The following PECAM1 variants were observed in gnomAD, a reference collection of about 807,000 sequenced individuals.
PECAM1 encodes platelet and endothelial cell adhesion molecule 1.
In PECAM1, 8 loss-of-function variants were observed where a neutral mutation model predicts 13.8. That is an observed-to-expected ratio of 0.58 (90% CI 0.34 to 1.05). PECAM1 has a LOEUF of 1.05. Ranked by LOEUF, PECAM1 falls within the 50% of genes least tolerant of loss-of-function variation. PECAM1 has a pLI of 0.03. For missense variants in PECAM1, 304 were observed against 141.2 expected (o/e 2.15, Z -5.84); for synonymous variants, 136 against 52.6 (o/e 2.58, Z -6.86).
In PECAM1 at chr17:64,322,299, C is replaced by G; in HGVS notation, c.*1517G>C. On this transcript the variant is annotated 3_prime_UTR_variant, in exon 16 of 16. Coordinates refer to ENST00000563924, the MANE Select transcript of PECAM1 (RefSeq NM_000442.5). ...TACTCGGGAGGCTGAGACAGGAGAACTGCTTGAACCCAGGAGGCGGAGGTT... is the reference window on the plus strand; with the variant it reads ...TACTCGGGAGGCTGAGACAGGAGAAGTGCTTGAACCCAGGAGGCGGAGGTT... The G allele has an allele frequency of 1.9e-6, 1 of 513,262 alleles. No homozygotes were observed. Among genetic ancestry groups the G allele is most frequent in the Non-Finnish European group, 2.5e-6 (1 of 397,848 alleles). The allele number at this position is 513,262 out of a possible 1,614,324, so 31.8% of individuals were successfully genotyped here. A position where few individuals can be genotyped will look rare whatever the true frequency, so the allele number is the denominator to read the frequency against.
intron 13 of PECAM1, among the ~76,000 whole-genome samples, chr17:64,345,652 G>A (rs1206291205): frequency 1.3e-5 from 2 of 149,748 alleles, no homozygotes; most frequent in Non-Finnish European, 3.0e-5. Flanking sequence ...AGCAGAGGAA[G>A]CAGTGTGCCG....
intron 2 of PECAM1, among the ~76,000 whole-genome samples, chr17:64,381,145 G>A (rs2036473327): frequency 1.3e-5 from 2 of 152,226 alleles, no homozygotes; most frequent in African/African-American, 4.8e-5. Flanking sequence ...GGATGTTGAT[G>A]AGATATTGTC....
chr17:64,367,433 C>A (rs1331017356), intron 5 of PECAM1, among the ~76,000 whole-genome samples: 1 of 151,834 alleles, frequency 6.6e-6, no homozygotes, highest in Non-Finnish European at 1.5e-5. Context: ...GCCTATAATC[C>A]CAGCTACTCG....
Position 64,321,992 on chromosome 17 carries a change from A to G in PECAM1, c.*1824T>C. On this transcript the variant is annotated 3_prime_UTR_variant, in exon 16 of 16. Transcript: ENST00000563924. Reference sequence around the variant, plus strand: ...CTCAATCTGAGCCCACCACTCAGAAAACCTGGAAATTGTATGACATTTTCG... The same window carrying G: ...CTCAATCTGAGCCCACCACTCAGAAGACCTGGAAATTGTATGACATTTTCG... 7.9e-7 allele frequency: 1 copy of G among 1,260,422 alleles called. No individual in the cohort carries two copies. The highest frequency in any genetic ancestry group is 1.0e-6 in the Non-Finnish European group (1 of 968,264). 78.1% of individuals were successfully genotyped at this position (1,260,422 alleles called of 1,614,324 possible). A position where few individuals can be genotyped will look rare whatever the true frequency, so the allele number is the denominator to read the frequency against.
At chr17:64,372,696 T>G (rs2036268169) in intron 4 of PECAM1, among the ~76,000 whole-genome samples, 1 of 151,172 alleles carries the variant, frequency 6.6e-6, no homozygotes, top group Non-Finnish European at 1.5e-5. Flanking sequence ...AGAGATGAGG[T>G]TTCACCATGC....
chr17:64,358,409 G>A (rs1439486622), intron 7 of PECAM1, among the ~76,000 whole-genome samples: 5 of 152,050 alleles, frequency 3.3e-5, no homozygotes, highest in African/African-American at 9.7e-5. Context: ...GTGAGCCACC[G>A]CACCTGGCTG....
intron 14 of PECAM1, among the ~76,000 whole-genome samples, chr17:64,330,913 C>T (rs1356290805): frequency 6.6e-6 from 1 of 152,134 alleles, no homozygotes; most frequent in East Asian, 1.9e-4. Flanking sequence ...GTCCAATTAG[C>T]TACTAAATAA....
chr17:64,390,184 G>T (rs1381523522), intron 2 of PECAM1: 6 of 362,000 alleles, frequency 1.7e-5, no homozygotes, highest in African/African-American at 1.3e-4. Context: ...GTAGTCGTGA[G>T]AACAGAGAAA....
intron 6 of PECAM1, among the ~76,000 whole-genome samples, chr17:64,362,082 A>T (rs2035995920): frequency 6.6e-6 from 1 of 152,208 alleles, no homozygotes; most frequent in Admixed American, 6.5e-5. Flanking sequence ...TGACAGTGAC[A>T]ACTTGACTGG....
intron 2 of PECAM1, among the ~76,000 whole-genome samples, chr17:64,388,359 A>G (rs2036644582): frequency 6.6e-6 from 1 of 151,382 alleles, no homozygotes; most frequent in Non-Finnish European, 1.5e-5. Flanking sequence ...CAGGAGTCAC[A>G]GTCGTAAAGG....
chr17:64,339,656 A>G (rs1029164801), intron 14 of PECAM1, among the ~76,000 whole-genome samples: 31 of 152,306 alleles, frequency 2.0e-4, no homozygotes, highest in African/African-American at 7.2e-4. Context: ...AGCTCTGAAT[A>G]TATGGAGATT....
intron 15 of PECAM1, among the ~76,000 whole-genome samples, chr17:64,325,160 G>A (rs1340201959): frequency 3.3e-5 from 5 of 152,188 alleles, no homozygotes; most frequent in Non-Finnish European, 5.9e-5. Context: ...AGGCCGAGGC[G>A]GGTGGATCAT....
intron 2 of PECAM1, 167 bp downstream of exon 2, chr17:64,390,322 T>C: frequency 2.5e-6 from 1 of 404,498 alleles, no homozygotes; most frequent in East Asian, 3.6e-5. Context: ...GATCTAAGCC[T>C]TTCTAAAAAT....
At chr17:64,380,595 T>A (rs892934814) in intron 2 of PECAM1, among the ~76,000 whole-genome samples, 14 of 152,222 alleles carry the variant, frequency 9.2e-5, no homozygotes, top group African/African-American at 2.4e-4. Context: ...TGGAATTTTT[T>A]AAAATTTTTG....
In PECAM1 at chr17:64,370,786, A is replaced by G. The variant is rs891834925; in HGVS notation, c.692-761T>C. ...GTCCTAGGCTTTCGTTTCCACTTAC[A>G]ACAAAAAAACAAGCCCAGGGCATAA... is the stretch of plus-strand genomic sequence containing the variant. On this transcript the variant is annotated intron_variant, in intron 4 of 15. Coordinates refer to ENST00000563924, the MANE Select transcript of PECAM1 (RefSeq NM_000442.5). Among the ~76,000 whole-genome samples, 327 of 152,308 alleles carry G rather than the reference A, an allele frequency of 2.1e-3. 1 individual carries two copies. Among genetic ancestry groups the G allele is most frequent in the African/African-American group, 7.4e-3 (309 of 41,572 alleles).
chr17:64,366,865 C>T (rs1419057215), intron 5 of PECAM1, among the ~76,000 whole-genome samples: 1 of 149,386 alleles, frequency 6.7e-6, no homozygotes, highest in Non-Finnish European at 1.5e-5. Flanking sequence ...AGGAGATATA[C>T]CTAATGCTAA....
intron 13 of PECAM1, among the ~76,000 whole-genome samples, chr17:64,345,759 G>A (rs1356620921): frequency 3.3e-5 from 5 of 149,796 alleles, no homozygotes; most frequent in Admixed American, 2.7e-4. Context: ...CAGGCCTGCC[G>A]CGTTCCCCAC....
chr17:64,355,862 G>T (rs904766449), intron 8 of PECAM1, among the ~76,000 whole-genome samples: 3,973 of 152,248 alleles, frequency 0.026, 175 homozygotes, highest in African/African-American at 0.091. Context: ...ACTCAATGGT[G>T]AGTCTGCCAA....
chr17:64,342,574 C>A (rs2035461294), intron 13 of PECAM1, among the ~76,000 whole-genome samples: 1 of 152,102 alleles, frequency 6.6e-6, no homozygotes, highest in Admixed American at 6.5e-5. Context: ...GGCCTCACTG[C>A]AGCTTCTGGT....
Sources: allele counts gnomAD v4.1 joint callset (sites outside exome capture counted in the v4.1 genomes callset), GRCh38; gene constraint gnomAD v4.1.1; transcripts MANE v1.5; gene names NCBI Gene and HGNC (gene_info 2026-07-23, HGNC 2026-07-21).